The following MTA3 variants were observed in gnomAD, a reference collection of about 807,000 sequenced individuals.
The protein encoded by MTA3 is metastasis-associated protein MTA3.
In MTA3, 34 loss-of-function variants were observed where a neutral mutation model predicts 83.5. That is an observed-to-expected ratio of 0.41 (90% CI 0.31 to 0.54). MTA3 has a LOEUF of 0.54. Ranked by LOEUF, MTA3 falls within the 20% of genes least tolerant of loss-of-function variation. The pLI, the probability that MTA3 is intolerant of heterozygous loss-of-function variation, is 0.33. For missense variants in MTA3, 761 were observed against 726.4 expected (o/e 1.05, Z -0.55); for synonymous variants, 303 against 252.7 (o/e 1.20, Z -1.89).
chr2:42,548,862 ATATATATATATATAAT>A (rs1676918438), intron 2 of MTA3, among the ~76,000 whole-genome samples: 3 of 8,842 alleles, frequency 3.4e-4, no homozygotes, highest in Admixed American at 2.3e-3. Context: ...TATATATAAT[ATATATATATATATAAT>A]ATATATATAT....
intron 2 of MTA3, among the ~76,000 whole-genome samples, chr2:42,505,717 C>T (rs1377959977): frequency 2.0e-5 from 3 of 151,128 alleles, no homozygotes; most frequent in Non-Finnish European, 4.4e-5. Flanking sequence ...CAACCAAGAG[C>T]AAGGGCAAGT....
chr2:42,532,197 G>A (rs1264942394), intron 2 of MTA3, among the ~76,000 whole-genome samples: 2 of 152,176 alleles, frequency 1.3e-5, no homozygotes, highest in African/African-American at 2.4e-5. Context: ...CTTCAAACAA[G>A]TACAAATATT....
intron 12 of MTA3, among the ~76,000 whole-genome samples, chr2:42,705,004 G>C (rs1167939285): frequency 6.6e-6 from 1 of 152,190 alleles, no homozygotes; most frequent in Non-Finnish European, 1.5e-5. Flanking sequence ...GGTAGCCTGG[G>C]ATGGGAGAGG....
intron 2 of MTA3, among the ~76,000 whole-genome samples, chr2:42,556,600 C>T (rs997908774): frequency 5.3e-5 from 8 of 152,270 alleles, no homozygotes; most frequent in Admixed American, 4.6e-4. Context: ...CCAGCCTGCC[C>T]GATGCTGCAG....
intron 2 of MTA3, among the ~76,000 whole-genome samples, chr2:42,576,716 G>C (rs957552207): frequency 3.9e-5 from 6 of 152,154 alleles, no homozygotes; most frequent in Admixed American, 3.9e-4. Flanking sequence ...TGGCCAATGT[G>C]GTGAAACCCT....
intron 2 of MTA3, among the ~76,000 whole-genome samples, chr2:42,573,810 T>TTTTCTTTC (rs200435400): frequency 1.3e-5 from 2 of 149,992 alleles, no homozygotes; most frequent in Admixed American, 6.7e-5. Flanking sequence ...TGCCCCAGCA[T>TTTTCTTTC]TTTCTTTCTT....
At chr2:42,735,143 C>G (rs1668517241) in intron 16 of MTA3, among the ~76,000 whole-genome samples, 1 of 152,100 alleles carries the variant, frequency 6.6e-6, no homozygotes, top group Non-Finnish European at 1.5e-5. Flanking sequence ...TCTTGTAGGA[C>G]AGGTATAGTG....
chr2:42,514,527 G>T (rs1009350390), intron 2 of MTA3, among the ~76,000 whole-genome samples: 1 of 151,692 alleles, frequency 6.6e-6, no homozygotes, highest in African/African-American at 2.4e-5. Context: ...GGGATTACAG[G>T]CGCCCACCAC....
chr2:42,715,397 C>T (rs1666950951), intron 14 of MTA3, among the ~76,000 whole-genome samples: 1 of 140,332 alleles, frequency 7.1e-6, no homozygotes, highest in Admixed American at 7.8e-5. Context: ...TAATTCTTGC[C>T]ACCAACTACT....
intron 9 of MTA3, among the ~76,000 whole-genome samples, chr2:42,691,856 T>TA (rs904760396): frequency 4.6e-5 from 7 of 152,234 alleles, no homozygotes; most frequent in Non-Finnish European, 8.8e-5. Flanking sequence ...TCCTGGCCTG[T>TA]AAGGTTTCCA....
intron 14 of MTA3, among the ~76,000 whole-genome samples, chr2:42,717,760 C>T (rs2104530342): frequency 6.6e-6 from 1 of 152,312 alleles, no homozygotes; most frequent in East Asian, 1.9e-4. Flanking sequence ...CTTGCAAATC[C>T]CTAGCCTAAC....
chr2:42,522,885 T>C (rs2103697295), intron 2 of MTA3, among the ~76,000 whole-genome samples: 1 of 148,830 alleles, frequency 6.7e-6, no homozygotes, highest in Non-Finnish European at 1.5e-5. Flanking sequence ...CACAGCTCCA[T>C]TGCAGCTGCA....
chr2:42,503,567 C>G (rs1019391395), intron 2 of MTA3, among the ~76,000 whole-genome samples: 1 of 152,258 alleles, frequency 6.6e-6, no homozygotes. Context: ...ACTACTGTTA[C>G]CTTCTTGCTT....
intron 16 of MTA3, among the ~76,000 whole-genome samples, chr2:42,740,148 C>T (rs1368350104): frequency 1.3e-5 from 2 of 152,234 alleles, no homozygotes; most frequent in African/African-American, 2.4e-5. Context: ...CCAGATCCAT[C>T]AGAGGAATCA....
intron 6 of MTA3, among the ~76,000 whole-genome samples, chr2:42,649,474 A>G (rs1212665189): frequency 4.6e-5 from 7 of 151,980 alleles, no homozygotes; most frequent in Non-Finnish European, 8.8e-5. Flanking sequence ...TTAAAATAGT[A>G]TATCTTTTGT....
intron 3 of MTA3, among the ~76,000 whole-genome samples, chr2:42,581,305 T>G (rs553510081): frequency 3.1e-4 from 47 of 150,418 alleles, no homozygotes; most frequent in African/African-American, 1.1e-3. Flanking sequence ...CCTCAAGGGA[T>G]CCTCACAAAG....
At chr2:42,673,116 AG>A (rs1314578704) in intron 8 of MTA3, among the ~76,000 whole-genome samples, 1 of 151,838 alleles carries the variant, frequency 6.6e-6, no homozygotes, top group Admixed American at 6.6e-5. Context: ...GACCTCCCAA[AG>A]TGCTGGGATT....
intron 8 of MTA3, among the ~76,000 whole-genome samples, chr2:42,668,432 G>A (rs1483109047): frequency 6.6e-6 from 1 of 152,180 alleles, no homozygotes; most frequent in Non-Finnish European, 1.5e-5. Context: ...AGACCCCTGC[G>A]ACCTTCCAGC....
At chr2:42,637,112 CAT>C (rs1687279590) in intron 4 of MTA3, among the ~76,000 whole-genome samples, 1 of 152,192 alleles carries the variant, frequency 6.6e-6, no homozygotes, top group Non-Finnish European at 1.5e-5. Flanking sequence ...TATTTATTCA[CAT>C]GTCTTTGTGT....
Sources: gnomAD v4.1 joint callset for allele counts (sites outside exome capture counted in the v4.1 genomes callset) on GRCh38, gnomAD v4.1.1 for gene constraint, MANE v1.5 for transcripts, NCBI Gene and HGNC (gene_info 2026-07-23, HGNC 2026-07-21) for gene names.